AGBL1: variants seen among roughly 807,000 people sequenced by gnomAD.
AGBL1 encodes the protein cytosolic carboxypeptidase 4.
A neutral mutation model predicts 118.9 loss-of-function variants in AGBL1; 130 were observed. The observed-to-expected ratio is 1.09, with a 90% CI of 0.95 to 1.26. AGBL1 has a LOEUF of 1.26. Ranked by LOEUF, AGBL1 falls within the 50% of genes most tolerant of loss-of-function variation. The pLI, the probability that AGBL1 is intolerant of heterozygous loss-of-function variation, is 0.00. For synonymous variants in AGBL1, 555 were observed against 478.9 expected (o/e 1.16, Z -2.08); for missense variants, 1,584 against 1,298.1 (o/e 1.22, Z -3.38).
rs543525216 is a variant in AGBL1, at chr15:86,616,391, C to T, written c.2995-57882C>T. Among the ~76,000 whole-genome samples the T allele has an allele frequency of 7.4e-5, 11 of 148,788 alleles. No homozygotes were observed. In the East Asian group the frequency reaches 1.9e-3, roughly 26 times the overall value. On this transcript the variant is annotated intron_variant, in intron 21 of 22. Coordinates refer to ENST00000614907, the MANE Select transcript of AGBL1 (RefSeq NM_001386094.1). ...AAAAAAATGAAGATGGAAAACTTGT[C>T]GTTGGATTAGATTGGTGGTCATTGT...
chr15:86,870,301 G>C (rs931842030), intron 22 of AGBL1, among the ~76,000 whole-genome samples: 2 of 151,248 alleles, frequency 1.3e-5, no homozygotes, highest in Non-Finnish European at 3.0e-5. Flanking sequence ...GAGGCTTTGA[G>C]AATTTAAGTC....
intron 23 of AGBL1, chr15:86,932,741 A>G (rs2080620336): frequency 6.6e-6 from 1 of 152,188 alleles, no homozygotes; most frequent in Non-Finnish European, 1.5e-5. Context: ...ATAATGGCCC[A>G]TTATGAATGT....
chr15:86,383,268 A>T (rs1185870607), intron 17 of AGBL1, among the ~76,000 whole-genome samples: 1 of 149,720 alleles, frequency 6.7e-6, no homozygotes, highest in Non-Finnish European at 1.5e-5. Context: ...AAAAAAAAAA[A>T]AAAAAAATCC....
At chr15:86,607,959 C>G (rs900161729) in intron 21 of AGBL1, among the ~76,000 whole-genome samples, 2 of 152,070 alleles carry the variant, frequency 1.3e-5, no homozygotes, top group African/African-American at 4.8e-5. Flanking sequence ...TATCTATAAA[C>G]CATAAGAGAA....
At chr15:86,401,381 A>G (rs568699010) in intron 18 of AGBL1, among the ~76,000 whole-genome samples, 13 of 151,548 alleles carry the variant, frequency 8.6e-5, no homozygotes, top group Non-Finnish European at 1.2e-4. Context: ...GTTTGCAAAG[A>G]TTTTTCTCCC....
intron 21 of AGBL1, among the ~76,000 whole-genome samples, chr15:86,634,489 A>C (rs963816091): frequency 7.9e-5 from 12 of 152,186 alleles, no homozygotes; most frequent in Non-Finnish European, 1.6e-4. Flanking sequence ...TATTTATAGG[A>C]AATGCTCAGA....
chr15:86,292,399 T>C (rs550314576), intron 16 of AGBL1, among the ~76,000 whole-genome samples: 1 of 152,284 alleles, frequency 6.6e-6, no homozygotes, highest in Admixed American at 6.5e-5. Flanking sequence ...AGATCTTGTA[T>C]AGAGCTTCCA....
At chr15:86,241,911 A>G (rs190898349) in intron 6 of AGBL1, among the ~76,000 whole-genome samples, 2 of 152,254 alleles carry the variant, frequency 1.3e-5, no homozygotes, top group East Asian at 3.9e-4. Flanking sequence ...CTGAAATCTC[A>G]TCTTGAATTG....
chr15:86,603,049 G>T (rs56061766), intron 21 of AGBL1, among the ~76,000 whole-genome samples: 1 of 152,160 alleles, frequency 6.6e-6, no homozygotes, highest in Non-Finnish European at 1.5e-5. Context: ...TCAGAAGAAA[G>T]CAATGATAGG....
chr15:86,210,609 C>T (rs1022724777), intron 5 of AGBL1, among the ~76,000 whole-genome samples: 3 of 152,180 alleles, frequency 2.0e-5, no homozygotes, highest in Non-Finnish European at 4.4e-5. Flanking sequence ...ATCTAATCAG[C>T]TATTGAAGCT....
chr15:86,787,169 A>C (rs1033716305), intron 22 of AGBL1, among the ~76,000 whole-genome samples: 3 of 152,064 alleles, frequency 2.0e-5, no homozygotes, highest in Non-Finnish European at 4.4e-5. Flanking sequence ...TATATACTGA[A>C]ATGATTACTA....
At chr15:86,706,800 C>T (rs2142667834) in intron 22 of AGBL1, among the ~76,000 whole-genome samples, 1 of 152,140 alleles carries the variant, frequency 6.6e-6, no homozygotes, top group South Asian at 2.1e-4. Context: ...TTTTAACTAG[C>T]CCCAAATTTA....
intron 21 of AGBL1, among the ~76,000 whole-genome samples, chr15:86,584,832 T>C (rs766007535): frequency 6.6e-6 from 1 of 152,174 alleles, no homozygotes. Context: ...TGTTTTCCCA[T>C]TTGTTTGTGT....
Position 86,397,518 on chromosome 15 carries a change from C to A in AGBL1, c.2527C>A (p.Leu843Ile). 1.2e-6 allele frequency: 2 copies of A among 1,611,962 alleles called. No individual in the cohort carries two copies. The highest frequency in any genetic ancestry group is 1.7e-6 in the Non-Finnish European group (2 of 1,179,030). The change falls in exon 18 of 23, where the codon CTC becomes ATC. Residue 843 changes from leucine (L) to isoleucine (I), a missense_variant. Coordinates refer to ENST00000614907, the MANE Select transcript of AGBL1 (RefSeq NM_001386094.1). ...ENFIFKIIPM[L>I]NPDGVINGNH... is the part of the protein sequence containing the mutation. The stretch of plus-strand genomic sequence containing the variant: ...CTTCATCTTCAAGATCATACCCATG[C>A]TCAACCCAGATGGTGTCATCAACGG...
intron 22 of AGBL1, among the ~76,000 whole-genome samples, chr15:86,774,187 T>C (rs2141293865): frequency 6.6e-6 from 1 of 152,194 alleles, no homozygotes; most frequent in East Asian, 1.9e-4. Context: ...CCCGATGCTG[T>C]ATTGTGCCCC....
At chr15:86,271,073 CAG>C (rs1346341516) in intron 14 of AGBL1, among the ~76,000 whole-genome samples, 16 of 106,914 alleles carry the variant, frequency 1.5e-4, no homozygotes, top group African/African-American at 6.3e-4. Flanking sequence ...TTTGGCGAGA[CAG>C]AGTCTCGCTC....
chr15:86,750,718 A>G (rs1269248541), intron 22 of AGBL1, among the ~76,000 whole-genome samples: 1 of 151,936 alleles, frequency 6.6e-6, no homozygotes, highest in East Asian at 1.9e-4. Context: ...CATTTGTTGT[A>G]CAGATTATTT....
At chr15:86,333,131 C>G (rs1004674370) in intron 17 of AGBL1, among the ~76,000 whole-genome samples, 2 of 151,996 alleles carry the variant, frequency 1.3e-5, no homozygotes, top group Admixed American at 6.6e-5. Context: ...CCTAGAGGAA[C>G]TAGAAAAACA....
At chr15:86,538,108 G>A (rs968665871) in intron 19 of AGBL1, among the ~76,000 whole-genome samples, 1 of 152,150 alleles carries the variant, frequency 6.6e-6, no homozygotes, top group South Asian at 2.1e-4. Context: ...ATGAGCAGTT[G>A]GTTATTGATA....
Sources: gnomAD v4.1 joint callset for allele counts (sites outside exome capture counted in the v4.1 genomes callset) on GRCh38, gnomAD v4.1.1 for gene constraint, MANE v1.5 for transcripts, NCBI Gene and HGNC (gene_info 2026-07-23, HGNC 2026-07-21) for gene names.